The following ZNF76 variants were observed in gnomAD, a reference collection of about 807,000 sequenced individuals.
The protein encoded by ZNF76 is zinc finger protein 76.
In ZNF76, 66 loss-of-function variants were observed where a neutral mutation model predicts 66.9. That is an observed-to-expected ratio of 0.99 (90% confidence interval 0.81 to 1.21). ZNF76 has a LOEUF of 1.21. Among genes scored for constraint, ZNF76 ranks in the 50% most tolerant of loss-of-function variants. The pLI is 0.00. For synonymous variants in ZNF76, 275 were observed against 296.1 expected (o/e 0.93, Z 0.73); for missense variants, 729 against 760.3 (o/e 0.96, Z 0.48).
In ZNF76 at chr6:35,281,193, G is replaced by T. The variant is rs143421103; in HGVS notation, c.42G>T (p.Gly14=). The change falls in exon 2 of 14, where the codon GGG becomes GGT. Residue 14 remains glycine, a synonymous_variant. Coordinates refer to ENST00000373953, the MANE Select transcript of ZNF76 (RefSeq NM_003427.5). Reference sequence around the variant, plus strand: ...TGCACACGGTGACCCTTAGTGATGGGACAACAGCCTACGTCCAGCAAGCTG... The same window carrying T: ...TGCACACGGTGACCCTTAGTGATGGTACAACAGCCTACGTCCAGCAAGCTG... ...LGLHTVTLSD[G]TTAYVQQAVK... is the part of the protein sequence containing the mutation. 3.7e-4 allele frequency: 593 copies of T among 1,613,934 alleles called. 3 individuals carry two copies. The African/African-American group carries it at 7.1e-3, about 19-fold the overall frequency.
rs777584156 is a variant in ZNF76, at chr6:35,295,312, C to T, written c.*64C>T. 9 of 1,389,950 alleles carry T rather than the reference C, an allele frequency of 6.5e-6. No homozygotes were observed. Among genetic ancestry groups the T allele is most frequent in the Middle Eastern group, 1.8e-4 (1 of 5,674 alleles). The allele number at this position is 1,389,950 out of a possible 1,614,324, so 86.1% of individuals were successfully genotyped here. Reference sequence around the variant, plus strand: ...TGCCATCTGCATGGCCACTCTTGCCCCCAAGGGCCCAGGCTGTGGCTGACA... The same window carrying T: ...TGCCATCTGCATGGCCACTCTTGCCTCCAAGGGCCCAGGCTGTGGCTGACA... On this transcript the variant is annotated 3_prime_UTR_variant, in exon 14 of 14. Coordinates refer to ENST00000373953, the MANE Select transcript of ZNF76 (RefSeq NM_003427.5).
At position 35,294,578 on chromosome 6, in the gene ZNF76, A is replaced by G. The variant is rs1790910235; in HGVS notation, c.1608+9A>G. On this transcript the variant is annotated intron_variant, in intron 13 of 13. Transcript: ENST00000373953. Reference sequence around the variant, plus strand: ...CGCACATTGCAGTGCAGGTGAGTAGAGATCTGGGAGGAAAGGGGATCCCAC... The same window carrying G: ...CGCACATTGCAGTGCAGGTGAGTAGGGATCTGGGAGGAAAGGGGATCCCAC... The G allele has an allele frequency of 1.3e-6, 2 of 1,590,126 alleles. No homozygotes were observed. The highest frequency in any genetic ancestry group is 1.7e-4 in the Middle Eastern group (1 of 6,012).
chr6:35,286,240 G>T lies in ZNF76; in HGVS notation c.154+32G>T, dbSNP rs189810610. The T allele has an allele frequency of 1.1e-4, 185 of 1,613,642 alleles. No homozygotes were observed. The East Asian group carries it at 3.6e-3, about 31-fold the overall frequency. Reference sequence around the variant, plus strand: ...GCACCCCAACACACCATGCCTTGTCGAGGGAAGCCTGACAGCCCCCACCAA... The same window carrying T: ...GCACCCCAACACACCATGCCTTGTCTAGGGAAGCCTGACAGCCCCCACCAA... On this transcript the variant is annotated intron_variant, in intron 3 of 13. Coordinates refer to ENST00000373953, the MANE Select transcript of ZNF76 (RefSeq NM_003427.5).
At chr6:35,271,406 C>T (rs1402302360) in intron 1 of ZNF76, among the ~76,000 whole-genome samples, 2 of 152,230 alleles carry the variant, frequency 1.3e-5, no homozygotes, top group Non-Finnish European at 2.9e-5. Flanking sequence ...CAGTGGCTCA[C>T]GCCTGTAATC....
At chr6:35,265,035 A>G (rs1300210604) in intron 1 of ZNF76, among the ~76,000 whole-genome samples, 3 of 152,070 alleles carry the variant, frequency 2.0e-5, no homozygotes, top group Non-Finnish European at 4.4e-5. Context: ...TCATTCATTC[A>G]CTGATTCATT....
At chr6:35,279,804 T>C (rs1360877177) in intron 1 of ZNF76, 2 of 153,562 alleles carry the variant, frequency 1.3e-5, no homozygotes, top group African/African-American at 4.8e-5. Context: ...AAAATGGCCT[T>C]GGACTACAGC....
Position 35,287,608 on chromosome 6 carries a change from C to T in ZNF76, c.233-38C>T. 1 of 1,558,984 alleles carries T rather than the reference C, an allele frequency of 6.4e-7. No homozygotes were observed. Among genetic ancestry groups the T allele is most frequent in the Non-Finnish European group, 8.7e-7 (1 of 1,149,560 alleles). On this transcript the variant is annotated intron_variant, in intron 4 of 13. Coordinates refer to ENST00000373953, the MANE Select transcript of ZNF76 (RefSeq NM_003427.5). This position sits in a 1 kb window ranked among gnomAD's most constrained non-coding sequence, Gnocchi z 4.0. ...TAGGGTCCCAGCTGTATCTCTTCCC[C>T]TTGTGTGGCATCAGGGCTAACCGCG...
upstream of ZNF76, chr6:35,259,546 C>G (rs1223920933): frequency 6.6e-6 from 1 of 152,202 alleles, no homozygotes; most frequent in Non-Finnish European, 1.5e-5. Flanking sequence ...GAGCTCGGTT[C>G]AGATCCCGGC....
intron 1 of ZNF76, among the ~76,000 whole-genome samples, chr6:35,274,152 C>T (rs1358636898): frequency 6.6e-6 from 1 of 152,196 alleles, no homozygotes; most frequent in Non-Finnish European, 1.5e-5. Context: ...TCTTTTTTCT[C>T]ATGAGAAGTT....
chr6:35,263,294 C>G (rs60456463), intron 1 of ZNF76, among the ~76,000 whole-genome samples: 1 of 152,324 alleles, frequency 6.6e-6, no homozygotes, highest in African/African-American at 2.4e-5. Flanking sequence ...TGGACACCCT[C>G]CCACTATCCT....
chr6:35,287,689 T>C lies in ZNF76; in HGVS notation c.276T>C (p.Asp92=). The C allele has an allele frequency of 6.2e-7, 1 of 1,614,158 alleles. No homozygotes were observed. Among genetic ancestry groups the C allele is most frequent in the Non-Finnish European group, 8.5e-7 (1 of 1,179,986 alleles). The change falls in exon 5 of 14, where the codon GAT becomes GAC. Residue 92 remains aspartate (D), a synonymous_variant. Coordinates refer to ENST00000373953, the MANE Select transcript of ZNF76 (RefSeq NM_003427.5). The surrounding 1 kb of genome is among the most constrained non-coding windows in gnomAD (Gnocchi z 4.0). ...CCCTGGAAGCCGTCCAACTGGAAGA[T>C]GGCTCCACTGCCTACATTCACCACC... ...PSTLEAVQLE[D]GSTAYIHHPV...
chr6:35,272,210 G>A lies in ZNF76; in HGVS notation c.-96-8846G>A, dbSNP rs545412974. 4.4e-3 allele frequency among the ~76,000 whole-genome samples: 670 copies of A among 152,176 alleles called. 5 individuals carry two copies. Among genetic ancestry groups the A allele is most frequent in the Middle Eastern group, 0.027 (8 of 294 alleles). ...TAATCTCAGCACTTTGGGAGGCTGA[G>A]GTGAGATGATCACTTGAGGCCAGGA... On this transcript the variant is annotated intron_variant, in intron 1 of 13. Transcript: ENST00000373953.
At chr6:35,293,995 T>TA in intron 12 of ZNF76, 80 bp downstream of exon 12, 1 of 1,503,166 alleles carries the variant, frequency 6.7e-7, no homozygotes, top group Non-Finnish European at 9.0e-7. Flanking sequence ...CAGCCTAAAC[T>TA]AGTCAAGTCT....
Position 35,293,015 on chromosome 6 carries a change from G to A in ZNF76, c.1300G>A (p.Ala434Thr), listed in dbSNP as rs747914167. 6.2e-7 allele frequency: 1 copy of A among 1,614,112 alleles called. No individual in the cohort carries two copies. Among genetic ancestry groups the A allele is most frequent in the Non-Finnish European group, 8.5e-7 (1 of 1,180,022 alleles). ...VTEEDGAPQV[A>T]LITQDGAQQV... ...TGAAGAAGATGGGGCCCCCCAGGTG[G>A]CTCTGATCACTCAGGATGGTGCCCA... is the stretch of plus-strand genomic sequence containing the variant. The change falls in exon 11 of 14, where the codon GCT (alanine) becomes ACT (threonine). Residue 434 changes from alanine to threonine, a missense_variant. Physicochemically the swap from Ala to Thr is moderately conservative, Grantham distance 58. Coordinates refer to ENST00000373953, the MANE Select transcript of ZNF76 (RefSeq NM_003427.5).
Position 35,291,258 on chromosome 6 carries a change from T to A in ZNF76, c.626-20T>A. The A allele has an allele frequency of 6.3e-7, 1 of 1,594,430 alleles. No individual in the cohort carries two copies. The highest frequency in any genetic ancestry group is 8.5e-7 in the Non-Finnish European group (1 of 1,170,244). ...CCCACTGGGTGCTCATCTCACCCCC[T>A]GCCTGCCACATATGGACAGGCTATG... On this transcript the variant is annotated intron_variant, in intron 7 of 13. Transcript: ENST00000373953.
chr6:35,295,080 T>C (rs913143057), intron 13 of ZNF76, 64 bp from the exon 14 acceptor site: 10 of 1,340,730 alleles, frequency 7.5e-6, no homozygotes, highest in Admixed American at 4.0e-5. Context: ...CACATATTAC[T>C]AACACTGGAA....
chr6:35,291,210 A>AG, intron 7 of ZNF76, 68 bp from the exon 8 acceptor site: 1 of 1,546,816 alleles, frequency 6.5e-7, no homozygotes, highest in Middle Eastern at 1.7e-4. Flanking sequence ...CCTGTGCATG[A>AG]GGTGGACGGT....
intron 9 of ZNF76, 64 bp downstream of exon 9, chr6:35,291,801 C>G: frequency 6.4e-7 from 1 of 1,565,438 alleles, no homozygotes; most frequent in Non-Finnish European, 8.7e-7. Context: ...TGTAGGCTTC[C>G]CATCTAAGAC....
At chr6:35,275,050 G>C (rs189236016) in intron 1 of ZNF76, among the ~76,000 whole-genome samples, 2 of 152,056 alleles carry the variant, frequency 1.3e-5, no homozygotes, top group African/African-American at 4.8e-5. Flanking sequence ...AGCTGCTCAC[G>C]AGGCTGAGGC....
Sources: gnomAD v4.1 joint callset for allele counts (sites outside exome capture counted in the v4.1 genomes callset) on GRCh38, gnomAD v4.1.1 for gene constraint, Gnocchi (gnomAD v3.1) non-coding constraint, MANE v1.5 for transcripts, NCBI Gene and HGNC (gene_info 2026-07-23, HGNC 2026-07-21) for gene names.